FOCAD: variants seen among roughly 807,000 people sequenced by gnomAD.
The protein encoded by FOCAD is focadhesin, also known as KIAA1797.
FOCAD carries 198 observed loss-of-function variants against 225.6 expected under a neutral mutation model. That is an observed-to-expected ratio of 0.88 (90% CI 0.78 to 0.99). The LOEUF is 0.99. FOCAD is among the 50% of genes least tolerant of loss of function. The pLI is 0.00. For missense variants in FOCAD, 2,713 were observed against 2,123.6 expected (o/e 1.28, Z -5.46); for synonymous variants, 897 against 755.0 (o/e 1.19, Z -3.08).
intron 21 of FOCAD, among the ~76,000 whole-genome samples, chr9:20,894,482 G>A (rs546472589): frequency 2.1e-4 from 32 of 152,166 alleles, no homozygotes; most frequent in African/African-American, 6.0e-4. Flanking sequence ...ATACCATTTC[G>A]CATCTCCTTC....
At chr9:20,688,961 A>G (rs1397134007) in intron 1 of FOCAD, among the ~76,000 whole-genome samples, 1 of 152,232 alleles carries the variant, frequency 6.6e-6, no homozygotes, top group African/African-American at 2.4e-5. Flanking sequence ...TTACGTGCGT[A>G]TGGTAAGATT....
intron 7 of FOCAD, among the ~76,000 whole-genome samples, chr9:20,768,471 C>A (rs970312809): frequency 5.4e-4 from 82 of 151,582 alleles, no homozygotes; most frequent in Non-Finnish European, 1.0e-3. Flanking sequence ...ATGGAATGTT[C>A]TTCCATTTGT....
At position 20,740,049 on chromosome 9, in the gene FOCAD, A is replaced by G. The variant is rs559075024; in HGVS notation, c.288-187A>G. Among the ~76,000 whole-genome samples the G allele has an allele frequency of 2.0e-5, 3 of 152,164 alleles. No individual in the cohort carries two copies. The East Asian group carries it at 5.8e-4, about 29-fold the overall frequency. ...GTTGGTGGTTTGATTCTTTAGCTCC[A>G]TTTCTTCTCCTTTAAATGTGTTGGA... is the stretch of plus-strand genomic sequence containing the variant. On this transcript the variant is annotated intron_variant, in intron 4 of 43. Transcript: ENST00000338382.
intron 30 of FOCAD, among the ~76,000 whole-genome samples, chr9:20,947,281 C>A (rs1318463600): frequency 4.6e-5 from 7 of 152,030 alleles, no homozygotes; most frequent in Non-Finnish European, 8.8e-5. Context: ...AATTAAGTAA[C>A]CTTAAAATGT....
intron 11 of FOCAD, among the ~76,000 whole-genome samples, chr9:20,800,175 T>C (rs1331243037): frequency 1.3e-5 from 2 of 152,078 alleles, no homozygotes; most frequent in Non-Finnish European, 2.9e-5. Context: ...AAATATTGGC[T>C]CCCACTCTCT....
intron 39 of FOCAD, among the ~76,000 whole-genome samples, chr9:20,983,045 G>A (rs1033479209): frequency 2.6e-5 from 4 of 152,140 alleles, no homozygotes; most frequent in Non-Finnish European, 2.9e-5. Context: ...TTTATGGCAG[G>A]TTTGCCTATT....
intron 26 of FOCAD, among the ~76,000 whole-genome samples, chr9:20,926,895 A>G (rs1835007154): frequency 6.6e-6 from 1 of 151,316 alleles, no homozygotes; most frequent in African/African-American, 2.4e-5. Flanking sequence ...ACACACACAC[A>G]CGAAATATTA....
intron 2 of FOCAD, among the ~76,000 whole-genome samples, chr9:20,666,960 AAAAC>A (rs755618951): frequency 3.2e-4 from 49 of 152,340 alleles, no homozygotes; most frequent in South Asian, 8.3e-4. Context: ...CTAGTTGGCA[AAAAC>A]AAACAAACAA....
chr9:20,933,165 G>C, intron 28 of FOCAD, 62 bp downstream of exon 28: 1 of 1,104,184 alleles, frequency 9.1e-7, no homozygotes, highest in Non-Finnish European at 1.4e-6. Context: ...ACTGCCATAA[G>C]TCTTGCATGC....
intron 21 of FOCAD, among the ~76,000 whole-genome samples, chr9:20,905,636 A>G (rs1408276141): frequency 1.3e-5 from 2 of 152,048 alleles, no homozygotes; most frequent in East Asian, 3.9e-4. Context: ...TGAAAAGGGA[A>G]CAGAACTGAT....
chr9:20,980,188 G>A (rs1840565100), intron 37 of FOCAD, among the ~76,000 whole-genome samples: 1 of 151,640 alleles, frequency 6.6e-6, no homozygotes, highest in African/African-American at 2.4e-5. Context: ...TATACAATAT[G>A]AATTTTTTTA....
In FOCAD at chr9:20,832,164, C is replaced by G. The variant is rs960069766; in HGVS notation, c.1920+9049C>G. ...AGCCTTCATGTACAAGCTTTCATGT[C>G]AACGTATGAGTTTCATCCTTTTTTT... On this transcript the variant is annotated intron_variant, in intron 15 of 43. Transcript: ENST00000338382. 2.6e-5 allele frequency among the ~76,000 whole-genome samples: 4 copies of G among 151,912 alleles called. 1 individual carries two copies. Among genetic ancestry groups the G allele is most frequent in the Non-Finnish European group, 5.9e-5 (4 of 67,960 alleles).
chr9:20,714,703 T>C (rs1412958607), intron 1 of FOCAD, among the ~76,000 whole-genome samples: 6 of 135,408 alleles, frequency 4.4e-5, no homozygotes, highest in African/African-American at 1.4e-4. Context: ...TTCCTTCCTC[T>C]CTCTTTCTCT....
chr9:20,721,597 G>C (rs559571697), intron 4 of FOCAD, among the ~76,000 whole-genome samples: 1 of 152,118 alleles, frequency 6.6e-6, no homozygotes, highest in South Asian at 2.1e-4. Flanking sequence ...AGCTACTCAG[G>C]AGACTAAGGC....
At chr9:20,784,392 G>A (rs1819701196) in intron 10 of FOCAD, among the ~76,000 whole-genome samples, 1 of 152,234 alleles carries the variant, frequency 6.6e-6, no homozygotes, top group Non-Finnish European at 1.5e-5. Flanking sequence ...CACAGCTGTA[G>A]GATCACATAG....
chr9:20,936,434 T>C (rs1158580480), intron 28 of FOCAD, among the ~76,000 whole-genome samples: 1 of 152,186 alleles, frequency 6.6e-6, no homozygotes. Flanking sequence ...TAGGTGGTAG[T>C]TATGGGATCT....
At chr9:20,930,024 G>C (rs184601779) in intron 27 of FOCAD, among the ~76,000 whole-genome samples, 576 of 152,256 alleles carry the variant, frequency 3.8e-3, no homozygotes, top group African/African-American at 0.013. Flanking sequence ...GTGCCTAAGG[G>C]GTGTTGGGAA....
chr9:20,700,519 A>G (rs530458243), intron 1 of FOCAD, among the ~76,000 whole-genome samples: 21 of 152,124 alleles, frequency 1.4e-4, no homozygotes, highest in African/African-American at 4.8e-4. Context: ...TCTACACAAA[A>G]ATGATTCGCC....
intron 11 of FOCAD, among the ~76,000 whole-genome samples, chr9:20,811,125 G>C (rs1823019064): frequency 6.6e-6 from 1 of 151,976 alleles, no homozygotes; most frequent in African/African-American, 2.4e-5. Context: ...TTTGCTTATA[G>C]AATTTGAAGA....
Sources: allele counts gnomAD v4.1 joint callset (sites outside exome capture counted in the v4.1 genomes callset), GRCh38; gene constraint gnomAD v4.1.1; transcripts MANE v1.5; gene names NCBI Gene and HGNC (gene_info 2026-07-23, HGNC 2026-07-21).